The following LRCH3 variants were observed in gnomAD, a reference collection of about 807,000 sequenced individuals.
LRCH3 encodes the protein leucine rich repeats and calponin homology domain containing 3, also known as DISP complex protein LRCH3.
In LRCH3, 68 loss-of-function variants were observed where a neutral mutation model predicts 104.5. The observed-to-expected ratio is 0.65, with a 90% confidence interval of 0.54 to 0.80. The LOEUF is 0.80. LRCH3 is among the 30% of genes least tolerant of loss of function. The probability of loss-of-function intolerance (pLI) is 0.00; values close to 1 mark genes in which losing one functional copy is unlikely to be tolerated. For synonymous variants in LRCH3, 344 were observed against 361.3 expected, an observed-to-expected ratio of 0.95 and a Z score of 0.54; for missense variants, 951 against 953.9, an observed-to-expected ratio of 1.00 and a Z score of 0.04.
intron 4 of LRCH3, 69 bp downstream of exon 4, chr3:197,820,499 CAA>C: frequency 9.1e-7 from 1 of 1,100,170 alleles, no homozygotes; most frequent in South Asian, 1.3e-5. Flanking sequence ...TCAGACCAAT[CAA>C]GACAAAAATG....
chr3:197,838,813 A>G (rs28698536), intron 9 of LRCH3, among the ~76,000 whole-genome samples: 4,191 of 152,298 alleles, frequency 0.028, 201 homozygotes, highest in African/African-American at 0.096. Flanking sequence ...TTGTCTTGAT[A>G]TTCACCGACA....
intron 15 of LRCH3, among the ~76,000 whole-genome samples, chr3:197,862,367 T>C (rs1439867472): frequency 2.6e-5 from 4 of 152,236 alleles, no homozygotes; most frequent in Non-Finnish European, 5.9e-5. Flanking sequence ...TCTCATCTCA[T>C]AAAGTTGCCT....
rs1276941600 is a variant in LRCH3 at position 197,791,259 on chromosome 3, C to T, written c.-20C>T. 1.2e-6 allele frequency: 2 copies of T among 1,606,534 alleles called. No homozygotes were observed. Among genetic ancestry groups the T allele is most frequent in the Non-Finnish European group, 1.7e-6 (2 of 1,177,954 alleles). ...CGCGCATGCGCTGAGCTGGCGGGCC[C>T]GAGTGTTGTCGGCTGGGAAATGGCG... is the stretch of plus-strand genomic sequence containing the variant. On this transcript the variant is annotated 5_prime_UTR_variant, in exon 1 of 21. Transcript: ENST00000425562.
chr3:197,825,464 ATTTTTTTTTTTTTTT>A (rs58237989), intron 4 of LRCH3, among the ~76,000 whole-genome samples: 62 of 20,068 alleles, frequency 3.1e-3, no homozygotes, highest in African/African-American at 7.9e-3. Flanking sequence ...ATCCTCTTTG[ATTTTTTTTTTTTTTT>A]TTTTTTTTTT....
chr3:197,855,407 A>G (rs1239652434), intron 14 of LRCH3, among the ~76,000 whole-genome samples: 1 of 152,212 alleles, frequency 6.6e-6, no homozygotes, highest in Non-Finnish European at 1.5e-5. Flanking sequence ...AGAGCCTCCG[A>G]CGATCCAAAC....
intron 14 of LRCH3, among the ~76,000 whole-genome samples, chr3:197,858,175 G>A (rs1740495697): frequency 6.6e-6 from 1 of 152,086 alleles, no homozygotes; most frequent in Non-Finnish European, 1.5e-5. Context: ...CCTCTTACCT[G>A]TAATCAAAAT....
intron 15 of LRCH3, among the ~76,000 whole-genome samples, chr3:197,861,729 G>C (rs775181093): frequency 6.6e-6 from 1 of 151,258 alleles, no homozygotes; most frequent in Non-Finnish European, 1.5e-5. Context: ...ATCAGTTCTG[G>C]GTTTTTTTTT....
At chr3:197,850,747 A>G in intron 12 of LRCH3, 1 of 1,305,392 alleles carries the variant, frequency 7.7e-7, no homozygotes, top group African/African-American at 1.4e-5. Flanking sequence ...GCCTGCGCAC[A>G]CCTGCCAACT....
chr3:197,883,968 C>A lies in LRCH3; in HGVS notation c.*302C>A. ...CAGGCGTGTTTCACGTGCCAGAAAG[C>A]ACATCTTCTGTGTTAGGCACAAGCA... On this transcript the variant is annotated 3_prime_UTR_variant, in exon 21 of 21. Transcript: ENST00000425562. This position sits in a 1 kb window ranked among gnomAD's most constrained non-coding sequence, Gnocchi z 4.2. 3.4e-6 allele frequency: 1 copy of A among 294,878 alleles called. No homozygotes were observed. The highest frequency in any genetic ancestry group is 6.3e-6 in the Non-Finnish European group (1 of 158,590). The allele number at this position is 294,878 out of a possible 1,614,324, so 18.3% of individuals were successfully genotyped here.
intron 4 of LRCH3, among the ~76,000 whole-genome samples, chr3:197,824,527 T>C (rs1490512794): frequency 6.6e-6 from 1 of 151,014 alleles, no homozygotes; most frequent in South Asian, 2.1e-4. Context: ...GAGCCCTTTT[T>C]TTCTCTTCTG....
At chr3:197,828,164 G>A (rs1735456010) in intron 5 of LRCH3, among the ~76,000 whole-genome samples, 2 of 151,038 alleles carry the variant, frequency 1.3e-5, no homozygotes, top group African/African-American at 4.9e-5. Context: ...TCTGATCATT[G>A]TTATTATAAC....
intron 4 of LRCH3, among the ~76,000 whole-genome samples, chr3:197,824,671 C>T (rs1457447730): frequency 2.0e-5 from 3 of 150,086 alleles, no homozygotes; most frequent in African/African-American, 7.4e-5. Flanking sequence ...GTCCCGGGTT[C>T]AAGTGATTCT....
chr3:197,829,515 A>G (rs964467814), intron 5 of LRCH3, 49 bp from the exon 6 acceptor site: 4 of 1,183,382 alleles, frequency 3.4e-6, no homozygotes, highest in Admixed American at 2.2e-5. Context: ...AAAAAGGAGC[A>G]TACTTCAGAT....
At chr3:197,803,369 A>G (rs1732110049) in intron 1 of LRCH3, among the ~76,000 whole-genome samples, 1 of 152,176 alleles carries the variant, frequency 6.6e-6, no homozygotes, top group African/African-American at 2.4e-5. Context: ...CTTTTTAAAA[A>G]ATACGCATCC....
At chr3:197,848,426 C>A in intron 12 of LRCH3, 1 of 159,612 alleles carries the variant, frequency 6.3e-6, no homozygotes, top group Non-Finnish European at 1.4e-5. Context: ...TAATCCTTTG[C>A]AGGAACTTTG....
rs148485233 is a variant in LRCH3 at position 197,861,252 on chromosome 3, G to A, written c.1716+2347G>A. 5.1e-3 allele frequency among the ~76,000 whole-genome samples: 776 copies of A among 152,226 alleles called. 7 individuals are homozygous for A. The highest frequency in any genetic ancestry group is 0.018 in the African/African-American group (740 of 41,524). On this transcript the variant is annotated intron_variant, in intron 15 of 20. Coordinates refer to ENST00000425562, the MANE Select transcript of LRCH3 (RefSeq NM_001365715.1). ...AAAACTTCATAATTCTCTTCCATGT[G>A]AACCCTTTGCTAGCCGTTCTCAACT... is the stretch of plus-strand genomic sequence containing the variant.
intron 8 of LRCH3, among the ~76,000 whole-genome samples, chr3:197,832,741 C>T (rs1263688291): frequency 3.5e-5 from 5 of 144,502 alleles, no homozygotes; most frequent in Non-Finnish European, 6.0e-5. Flanking sequence ...GTCAGATGCT[C>T]TTCAAAGTCA....
At chr3:197,798,855 GTTC>G (rs1731562407) in intron 1 of LRCH3, among the ~76,000 whole-genome samples, 1 of 152,160 alleles carries the variant, frequency 6.6e-6, no homozygotes, top group Non-Finnish European at 1.5e-5. Context: ...TTAAAACTTG[GTTC>G]TTCATTTGCA....
Position 197,826,930 on chromosome 3 carries a change from C to T in LRCH3, c.693C>T (p.Thr231=). ...TAGACTTCTCATGCAATAAAATTAC[C>T]ACAATCCCTGTTTGTTATCGGAACC... The part of the protein sequence containing the change: ...IRLDFSCNKI[T]TIPVCYRNLR... The change falls in exon 5 of 21, where the codon ACC becomes ACT. Residue 231 remains threonine (T), a synonymous_variant. Coordinates refer to ENST00000425562, the MANE Select transcript of LRCH3 (RefSeq NM_001365715.1). The T allele has an allele frequency of 1.2e-6, 2 of 1,613,926 alleles. No individual in the cohort carries two copies. The highest frequency in any genetic ancestry group is 1.7e-6 in the Non-Finnish European group (2 of 1,179,984).
Sources: gnomAD v4.1 joint callset for allele counts (sites outside exome capture counted in the v4.1 genomes callset) on GRCh38, gnomAD v4.1.1 for gene constraint, Gnocchi (gnomAD v3.1) non-coding constraint, MANE v1.5 for transcripts, NCBI Gene and HGNC (gene_info 2026-07-23, HGNC 2026-07-21) for gene names.